Variants in TSC1 observed in about 807,000 individuals in gnomAD.
TSC1 encodes hamartin.
A neutral mutation model predicts 124.3 loss-of-function variants in TSC1; 20 were observed. That is an observed-to-expected ratio of 0.16 (90% confidence interval 0.11 to 0.23). The LOEUF (loss-of-function observed/expected upper bound fraction) is 0.23. Among genes scored for constraint, TSC1 ranks in the 10% least tolerant of loss-of-function variants. The probability of loss-of-function intolerance (pLI) is 1.00; values close to 1 mark genes in which losing one functional copy is unlikely to be tolerated. For synonymous variants in TSC1, 493 were observed against 539.1 expected (o/e 0.91, Z 1.19); for missense variants, 1,124 against 1,448.5 (o/e 0.78, Z 3.64).
At chr9:132,931,362 G>A (rs1365233931) in intron 2 of TSC1, 2 of 152,108 alleles carry the variant, frequency 1.3e-5, no homozygotes, top group African/African-American at 2.4e-5. Context: ...TCAACTTGGC[G>A]ATAGTGTGGG....
intron 12 of TSC1, chr9:132,909,978 G>A (rs183879495): frequency 6.4e-6 from 1 of 155,330 alleles, no homozygotes; most frequent in Non-Finnish European, 1.4e-5. Context: ...GCAGTGGGAA[G>A]GGCAAATGAC....
Position 132,925,381 on chromosome 9 carries a change from T to C in TSC1, c.363+206A>G, listed in dbSNP as rs1588354791. 3.3e-5 allele frequency among the ~76,000 whole-genome samples: 5 copies of C among 152,234 alleles called. 1 individual carries two copies. In the South Asian group the frequency reaches 1.0e-3, roughly 32 times the overall value. ...TGATCGAAATTTTTCCATACTTGCA[T>C]GGACAAGGTATTCAATAGTCATAGT... On this transcript the variant is annotated intron_variant, in intron 5 of 22. Coordinates refer to ENST00000298552, the MANE Select transcript of TSC1 (RefSeq NM_000368.5).
At chr9:132,930,726 A>G (rs1253090260) in intron 2 of TSC1, among the ~76,000 whole-genome samples, 3 of 152,146 alleles carry the variant, frequency 2.0e-5, no homozygotes, top group African/African-American at 7.2e-5. Context: ...CAATCTTGTG[A>G]CATTCACTGA....
chr9:132,917,496 A>G (rs928925446), intron 8 of TSC1, among the ~76,000 whole-genome samples: 1 of 151,996 alleles, frequency 6.6e-6, no homozygotes, highest in Non-Finnish European at 1.5e-5. Context: ...ATGCCCGACT[A>G]ATTTTTTGCA....
In TSC1 at chr9:132,908,901, C is replaced by CTTTTTTTTTTTTTTT. The variant is rs35234317; in HGVS notation, c.1264-1546_1264-1532dup. Among the ~76,000 whole-genome samples the CTTTTTTTTTTTTTTT allele has an allele frequency of 1.8e-3, 214 of 121,476 alleles. 12 individuals carry two copies. The highest frequency in any genetic ancestry group is 4.9e-3 in the African/African-American group (149 of 30,132). 79.7% of individuals were successfully genotyped at this position (121,476 alleles called of 152,430 possible). A position where few individuals can be genotyped will look rare whatever the true frequency, so the allele number is the denominator to read the frequency against. On this transcript the variant is annotated intron_variant, in intron 12 of 22. Transcript: ENST00000298552. ...TTAAAACCCACTAGTCTACCTTGCA[C>CTTTTTTTTTTTTTTT]TTTTTTTTTTTTTTTTTGTGACAGT...
rs897225104 is a variant in TSC1, at chr9:132,903,173, C to G, written c.2209-386G>C. 6.6e-6 allele frequency among the ~76,000 whole-genome samples: 1 copy of G among 152,168 alleles called. No individual in the cohort carries two copies. The highest frequency in any genetic ancestry group is 1.5e-5 in the Non-Finnish European group (1 of 68,020). ...GCTTACCGACATAATTTCTTTTAAC[C>G]ATCACAACTTAAAGAGCAGGTGCTG... On this transcript the variant is annotated intron_variant, in intron 17 of 22. Transcript: ENST00000298552. This position sits in a 1 kb window ranked among gnomAD's most constrained non-coding sequence, Gnocchi z 5.9.
chr9:132,929,505 C>G (rs1847090632), intron 2 of TSC1, among the ~76,000 whole-genome samples: 2 of 152,188 alleles, frequency 1.3e-5, no homozygotes, highest in Admixed American at 1.3e-4. Context: ...CACCCAAATA[C>G]CACTGGCTAC....
chr9:132,921,266 T>A lies in TSC1; in HGVS notation c.737+97A>T. The A allele has an allele frequency of 7.7e-7, 1 of 1,295,552 alleles. No individual in the cohort carries two copies. Among genetic ancestry groups the A allele is most frequent in the Non-Finnish European group, 1.1e-6 (1 of 906,856 alleles). The allele number at this position is 1,295,552 out of a possible 1,614,324, so 80.3% of individuals were successfully genotyped here. On this transcript the variant is annotated intron_variant, in intron 8 of 22. Coordinates refer to ENST00000298552, the MANE Select transcript of TSC1 (RefSeq NM_000368.5). The surrounding 1 kb of genome is among the most constrained non-coding windows in gnomAD (Gnocchi z 4.3). Reference sequence around the variant, plus strand: ...GTGGACTGATTCTGTAAGTAGAACATCTATATTCCCAAATATACCTCAACA... The same window carrying A: ...GTGGACTGATTCTGTAAGTAGAACAACTATATTCCCAAATATACCTCAACA...
intron 19 of TSC1, among the ~76,000 whole-genome samples, chr9:132,901,170 G>A (rs555246683): frequency 1.1e-4 from 16 of 152,330 alleles, no homozygotes; most frequent in Admixed American, 2.6e-4. Context: ...AAAACTCACC[G>A]TTCTTGACAA....
At chr9:132,897,949 T>C (rs1288582752) in intron 20 of TSC1, among the ~76,000 whole-genome samples, 1 of 152,218 alleles carries the variant, frequency 6.6e-6, no homozygotes, top group African/African-American at 2.4e-5. Flanking sequence ...CCTATATTTC[T>C]AAGTCTTTTT....
intron 2 of TSC1, among the ~76,000 whole-genome samples, chr9:132,930,458 T>A (rs1431922816): frequency 3.3e-5 from 5 of 151,596 alleles, no homozygotes; most frequent in African/African-American, 7.3e-5. Context: ...TGTGGTGGCG[T>A]GTGCCTGTAG....
intron 1 of TSC1, among the ~76,000 whole-genome samples, chr9:132,938,058 ATTTC>A (rs1222856857): frequency 6.6e-5 from 10 of 152,262 alleles, no homozygotes; most frequent in East Asian, 1.9e-4. Context: ...AAGACTTTTA[ATTTC>A]TTTATTACTG....
In TSC1 at chr9:132,904,421, G is replaced by C; in HGVS notation, c.2031C>G (p.Thr677=). The change falls in exon 16 of 23, where the codon ACC becomes ACG. Residue 677 remains threonine (T), a synonymous_variant. Coordinates refer to ENST00000298552, the MANE Select transcript of TSC1 (RefSeq NM_000368.5). ...LPLPSKSVDW[T]HFGGSPPSDE... ...AAGTAACAACTTTACCTCCAAAGTGGGTCCAGTCGACAGACTTGCTGGGTA... is the reference window on the plus strand; with the variant it reads ...AAGTAACAACTTTACCTCCAAAGTGCGTCCAGTCGACAGACTTGCTGGGTA... 6.2e-7 allele frequency: 1 copy of C among 1,614,014 alleles called. No individual in the cohort carries two copies. Among genetic ancestry groups the C allele is most frequent in the South Asian group, 1.1e-5 (1 of 91,076 alleles).
chr9:132,930,145 A>ATG (rs1847126410), intron 2 of TSC1, among the ~76,000 whole-genome samples: 1 of 152,184 alleles, frequency 6.6e-6, no homozygotes, highest in Non-Finnish European at 1.5e-5. Context: ...TAGAAATGCA[A>ATG]TACCTGGGCC....
intron 4 of TSC1, 39 bp downstream of exon 4, chr9:132,927,162 G>T: frequency 6.3e-7 from 1 of 1,596,452 alleles, no homozygotes; most frequent in Non-Finnish European, 8.6e-7. Flanking sequence ...TTGTACTCAT[G>T]AAGAACATAT....
rs1254353359 is a variant in TSC1 at position 132,905,778 on chromosome 9, C to G, written c.1800G>C (p.Gln600His). 26 of 1,614,110 alleles carry G rather than the reference C, an allele frequency of 1.6e-5. No individual in the cohort carries two copies. Among genetic ancestry groups the G allele is most frequent in the Non-Finnish European group, 2.1e-5 (25 of 1,180,050 alleles). Reference protein sequence around the residue: ...PPTRVGFGSGQPPPYDHLFEV... With the variant: ...PPTRVGFGSGHPPPYDHLFEV... ...CAAAAAGATGATCATACGGGGGAGG[C>G]TGCCCGCTTCCAAAGCCCACTCTCG... Residue 600 changes from glutamine to histidine, a missense_variant, in exon 15 of 23, where the codon CAG becomes CAC. Physicochemically the swap from Gln to His is conservative, Grantham distance 24. Coordinates refer to ENST00000298552, the MANE Select transcript of TSC1 (RefSeq NM_000368.5).
rs936279512 is a variant in TSC1, at chr9:132,895,689, T to C, written c.*546A>G. On this transcript the variant is annotated 3_prime_UTR_variant, in exon 23 of 23. Coordinates refer to ENST00000298552, the MANE Select transcript of TSC1 (RefSeq NM_000368.5). The stretch of plus-strand genomic sequence containing the variant: ...GTTCTTCTAGACCTGCTGCTTTAGA[T>C]GCTGAACTTCAGAATCAAAAAAGCA... 4.1e-6 allele frequency: 1 copy of C among 241,762 alleles called. No individual in the cohort carries two copies. Among genetic ancestry groups the C allele is most frequent in the African/African-American group, 2.2e-5 (1 of 45,406 alleles). The allele number at this position is 241,762 out of a possible 1,614,324, so 15.0% of individuals were successfully genotyped here. A position where few individuals can be genotyped will look rare whatever the true frequency, so the allele number is the denominator to read the frequency against.
chr9:132,924,198 C>A (rs1282123871), intron 5 of TSC1, among the ~76,000 whole-genome samples: 2 of 152,146 alleles, frequency 1.3e-5, no homozygotes, highest in Non-Finnish European at 2.9e-5. Flanking sequence ...AGCAGCTCAC[C>A]TGACCCATAA....
rs1844917826 is a variant in TSC1, at chr9:132,894,331, G to A, written c.*1904C>T. The A allele has an allele frequency of 1.3e-5, 3 of 231,228 alleles. No individual in the cohort carries two copies. Among genetic ancestry groups the A allele is most frequent in the Non-Finnish European group, 2.6e-5 (3 of 116,610 alleles). 14.3% of individuals were successfully genotyped at this position (231,228 alleles called of 1,614,324 possible). On this transcript the variant is annotated 3_prime_UTR_variant, in exon 23 of 23. Coordinates refer to ENST00000298552, the MANE Select transcript of TSC1 (RefSeq NM_000368.5). ...CAGATCTCTTGGGCATGAGGAGAAG[G>A]AAAGCACTTAAAACCAGTTTCAGGA...
Sources: allele counts gnomAD v4.1 joint callset (sites outside exome capture counted in the v4.1 genomes callset), GRCh38; gene constraint gnomAD v4.1.1; non-coding constraint Gnocchi (gnomAD v3.1); transcripts MANE v1.5; gene names NCBI Gene and HGNC (gene_info 2026-07-23, HGNC 2026-07-21).